Variants in TRPM3 observed in about 807,000 individuals in gnomAD.
The protein encoded by TRPM3 is transient receptor potential cation channel subfamily M member 3.
Under a neutral mutation model 181.2 loss-of-function variants are expected in TRPM3, and 77 were observed. That is an observed-to-expected ratio of 0.42 (90% CI 0.35 to 0.51). The LOEUF is 0.51. Ranked by LOEUF, TRPM3 falls within the 20% of genes least tolerant of loss-of-function variation. The pLI is 0.01. For missense variants in TRPM3, 1,759 were observed against 2,196.7 expected (o/e 0.80, Z 3.98); for synonymous variants, 745 against 796.4 (o/e 0.94, Z 1.09).
At chr9:71,194,038 T>C (rs1027480865) in intron 1 of TRPM3, among the ~76,000 whole-genome samples, 6 of 152,114 alleles carry the variant, frequency 3.9e-5, no homozygotes, top group African/African-American at 9.6e-5. Context: ...ATAGGTGATG[T>C]TGACATTTGT....
intron 1 of TRPM3, among the ~76,000 whole-genome samples, chr9:70,976,233 T>C (rs2097301478): frequency 6.6e-6 from 1 of 152,140 alleles, no homozygotes; most frequent in South Asian, 2.1e-4. Context: ...GCAAGGTGGA[T>C]TGAGCATCCT....
At chr9:71,360,436 C>T (rs904102808) in intron 1 of TRPM3, among the ~76,000 whole-genome samples, 1 of 152,126 alleles carries the variant, frequency 6.6e-6, no homozygotes, top group African/African-American at 2.4e-5. Context: ...ACGTTAATTT[C>T]ACCAAAATCA....
chr9:71,236,414 C>T (rs960534599), intron 1 of TRPM3, among the ~76,000 whole-genome samples: 4 of 152,162 alleles, frequency 2.6e-5, no homozygotes, highest in Admixed American at 2.6e-4. Context: ...CCACACCACC[C>T]TCTACCCGCC....
At chr9:71,287,098 T>G (rs2085364034) in intron 1 of TRPM3, among the ~76,000 whole-genome samples, 1 of 144,220 alleles carries the variant, frequency 6.9e-6, no homozygotes. Context: ...TTATATGATA[T>G]AATATAAAAT....
intron 5 of TRPM3, among the ~76,000 whole-genome samples, chr9:70,831,975 A>ATATATATATC (rs2093943373): frequency 1.1e-5 from 1 of 91,106 alleles, no homozygotes; most frequent in East Asian, 2.2e-4. Context: ...ATATATATAT[A>ATATATATATC]TATATATATA....
At chr9:71,138,145 G>A (rs2074881580) in intron 1 of TRPM3, among the ~76,000 whole-genome samples, 1 of 151,994 alleles carries the variant, frequency 6.6e-6, no homozygotes, top group South Asian at 2.1e-4. Flanking sequence ...AAAAGACGAT[G>A]CTGCCTTGGG....
intron 1 of TRPM3, among the ~76,000 whole-genome samples, chr9:71,157,122 T>C (rs1418596254): frequency 1.3e-5 from 2 of 152,136 alleles, no homozygotes; most frequent in African/African-American, 2.4e-5. Context: ...ACTGACTTTC[T>C]TAGAGTCTAG....
At chr9:71,087,141 C>T (rs773242912) in intron 1 of TRPM3, among the ~76,000 whole-genome samples, 1 of 151,982 alleles carries the variant, frequency 6.6e-6, no homozygotes, top group South Asian at 2.1e-4. Context: ...ACCCTCATCC[C>T]TCAGCAAGAA....
chr9:70,831,977 A>T (rs11142608), intron 5 of TRPM3, among the ~76,000 whole-genome samples: 245 of 70,390 alleles, frequency 3.5e-3, no homozygotes, highest in African/African-American at 6.9e-3. Flanking sequence ...ATATATATAT[A>T]TATATATATA....
chr9:71,159,103 T>TATA (rs1328533212), intron 1 of TRPM3, among the ~76,000 whole-genome samples: 3 of 74,508 alleles, frequency 4.0e-5, no homozygotes, highest in African/African-American at 1.6e-4. Flanking sequence ...TATATATATA[T>TATA]TTAGAGAGAG....
intron 1 of TRPM3, among the ~76,000 whole-genome samples, chr9:71,115,436 G>A (rs1262130180): frequency 6.6e-6 from 1 of 152,086 alleles, no homozygotes; most frequent in Non-Finnish European, 1.5e-5. Context: ...AACATTTGTT[G>A]AATACGTTTT....
chr9:71,026,229 T>C (rs2097895858), intron 1 of TRPM3, among the ~76,000 whole-genome samples: 1 of 152,196 alleles, frequency 6.6e-6, no homozygotes, highest in South Asian at 2.1e-4. Flanking sequence ...TCCTGCACTC[T>C]GCAGGGCAGT....
At chr9:71,078,839 A>C (rs575669777) in intron 1 of TRPM3, among the ~76,000 whole-genome samples, 135 of 92,516 alleles carry the variant, frequency 1.5e-3, no homozygotes, top group African/African-American at 3.7e-3. Context: ...GAAAGAAATC[A>C]AATCAAAACA....
At chr9:70,783,941 T>A in intron 7 of TRPM3, 164 bp downstream of exon 7, 1 of 1,391,480 alleles carries the variant, frequency 7.2e-7, no homozygotes, top group Non-Finnish European at 9.4e-7. Context: ...TATGTTTCTC[T>A]GTTCTTCACC....
At chr9:71,149,523 T>C (rs892339218) in intron 1 of TRPM3, among the ~76,000 whole-genome samples, 1 of 152,114 alleles carries the variant, frequency 6.6e-6, no homozygotes, top group African/African-American at 2.4e-5. Flanking sequence ...TTAGGCTACA[T>C]AGCGAATCTC....
intron 1 of TRPM3, among the ~76,000 whole-genome samples, chr9:71,434,487 C>G (rs1209962897): frequency 6.6e-6 from 1 of 152,150 alleles, no homozygotes; most frequent in Non-Finnish European, 1.5e-5. Flanking sequence ...TATAAACCAC[C>G]CAGGCTATGG....
At chr9:70,685,785 T>C (rs2066599300) in intron 8 of TRPM3, among the ~76,000 whole-genome samples, 1 of 152,182 alleles carries the variant, frequency 6.6e-6, no homozygotes, top group South Asian at 2.1e-4. Flanking sequence ...TCCTTAGGTG[T>C]TCTTTTCATA....
chr9:71,379,633 A>T (rs565283494), intron 1 of TRPM3, among the ~76,000 whole-genome samples: 1 of 151,986 alleles, frequency 6.6e-6, no homozygotes, highest in Non-Finnish European at 1.5e-5. Context: ...ACCTTCCAGG[A>T]TGACTCTCAA....
intron 1 of TRPM3, among the ~76,000 whole-genome samples, chr9:70,962,992 G>T (rs2097151919): frequency 6.6e-6 from 1 of 152,128 alleles, no homozygotes; most frequent in East Asian, 1.9e-4. Flanking sequence ...ACACAAACCA[G>T]TTGAGCCTGT....
Sources: allele counts gnomAD v4.1 joint callset (sites outside exome capture counted in the v4.1 genomes callset), GRCh38; gene constraint gnomAD v4.1.1; transcripts MANE v1.5; gene names NCBI Gene and HGNC (gene_info 2026-07-23, HGNC 2026-07-21).